The following CFH variants were observed in gnomAD, a reference collection of about 807,000 sequenced individuals.
CFH encodes H factor 1 (complement).
In CFH, 53 loss-of-function variants were observed where a neutral mutation model predicts 147.3. The ratio of observed to expected loss-of-function variants is 0.36; its 90% CI spans 0.29 to 0.45. The LOEUF is 0.45. Ranked by LOEUF, CFH falls within the 20% of genes least tolerant of loss-of-function variation. The pLI, the probability that CFH is intolerant of heterozygous loss-of-function variation, is 1.00. For missense variants in CFH, 1,380 were observed against 1,498.0 expected (o/e 0.92, Z 1.30); for synonymous variants, 536 against 489.4 (o/e 1.10, Z -1.26).
chr1:196,682,568 T>C (rs1285830506), intron 6 of CFH, among the ~76,000 whole-genome samples: 1 of 151,464 alleles, frequency 6.6e-6, no homozygotes, highest in East Asian at 1.9e-4. Flanking sequence ...ACTTCAAAAA[T>C]TGGTATTAAA....
At chr1:196,695,586 C>G (rs1371440526) in intron 9 of CFH, among the ~76,000 whole-genome samples, 1 of 151,016 alleles carries the variant, frequency 6.6e-6, no homozygotes, top group Non-Finnish European at 1.5e-5. Context: ...TATGTATCAA[C>G]TACTTTGGGC....
intron 1 of CFH, among the ~76,000 whole-genome samples, chr1:196,656,855 A>G (rs1666711719): frequency 6.6e-6 from 1 of 152,052 alleles, no homozygotes; most frequent in African/African-American, 2.4e-5. Context: ...ATCTTGTTTT[A>G]TCTCTAATTA....
intron 1 of CFH, among the ~76,000 whole-genome samples, chr1:196,663,407 A>G (rs1271214426): frequency 2.0e-5 from 3 of 152,120 alleles, no homozygotes; most frequent in Admixed American, 6.6e-5. Context: ...TAGAAATTAT[A>G]TTTGGTTCTT....
At position 196,726,757 on chromosome 1, in the gene CFH, A is replaced by T; in HGVS notation, c.2057-4A>T. The stretch of plus-strand genomic sequence containing the variant: ...AATAAACTTTTTTTGTAAAATTTAC[A>T]TAGTGGAGGAGAGTACCTGTGGAGA... On this transcript the variant is annotated splice_polypyrimidine_tract_variant and splice_region_variant and intron_variant, in intron 13 of 21. Coordinates refer to ENST00000367429, the MANE Select transcript of CFH (RefSeq NM_000186.4). 6.2e-7 allele frequency: 1 copy of T among 1,613,790 alleles called. No individual in the cohort carries two copies.
At chr1:196,709,612 G>C (rs532844527) in intron 9 of CFH, among the ~76,000 whole-genome samples, 1 of 152,254 alleles carries the variant, frequency 6.6e-6, no homozygotes, top group Admixed American at 6.5e-5. Context: ...AAAATCAGCA[G>C]TAATCACTAA....
rs1652700618 is a variant in CFH at position 196,739,044 on chromosome 1, G to A, written c.2782+1384G>A. Among the ~76,000 whole-genome samples, 3 of 152,228 alleles carry A rather than the reference G, an allele frequency of 2.0e-5. No individual in the cohort carries two copies. In the South Asian group the frequency reaches 6.2e-4, roughly 31 times the overall value. The stretch of plus-strand genomic sequence containing the variant: ...ACCAAGGCTTGGGGTTTCACCCTTT[G>A]AGGCAATGGACCAAGCTGTTTGTTG... On this transcript the variant is annotated intron_variant, in intron 17 of 21. Coordinates refer to ENST00000367429, the MANE Select transcript of CFH (RefSeq NM_000186.4).
chr1:196,701,361 C>G, intron 9 of CFH: 1 of 1,613,624 alleles, frequency 6.2e-7, no homozygotes. Flanking sequence ...CCCTCTCCAG[C>G]TTGAGTGGAT....
Position 196,726,548 on chromosome 1 carries a change from A to C in CFH, c.1952A>C (p.His651Pro). 6.2e-7 allele frequency: 1 copy of C among 1,612,862 alleles called. No homozygotes were observed. The highest frequency in any genetic ancestry group is 8.5e-7 in the Non-Finnish European group (1 of 1,178,974). ...GAAAAAACGAAAGAAGAATATGGAC[A>C]CAGTGAAGTGGTGGAATATTATTGC... ...VKEKTKEEYGHSEVVEYYCNP... is the reference protein window; with the variant it reads ...VKEKTKEEYGPSEVVEYYCNP... The change falls in exon 13 of 22, where the codon CAC (histidine) becomes CCC (proline). Residue 651 changes from histidine to proline, a missense_variant. Transcript: ENST00000367429.
At chr1:196,710,809 T>C (rs1033060326) in intron 9 of CFH, among the ~76,000 whole-genome samples, 2 of 152,068 alleles carry the variant, frequency 1.3e-5, no homozygotes, top group South Asian at 2.1e-4. Flanking sequence ...ACAGATCCTG[T>C]ATTTTACTAG....
intron 11 of CFH, among the ~76,000 whole-genome samples, chr1:196,717,188 G>A (rs200898739): frequency 6.6e-6 from 1 of 152,082 alleles, no homozygotes; most frequent in African/African-American, 2.4e-5. Context: ...AAGTCATCCT[G>A]TCTGAATTCT....
chr1:196,728,244 A>G, intron 14 of CFH, 102 bp from the exon 15 acceptor site: 1 of 846,878 alleles, frequency 1.2e-6, no homozygotes, highest in Non-Finnish European at 1.7e-6. Context: ...ATTAAGTCAT[A>G]ATTTTACCAT....
intron 15 of CFH, among the ~76,000 whole-genome samples, chr1:196,733,733 G>C (rs1353691568): frequency 1.3e-5 from 2 of 152,072 alleles, no homozygotes; most frequent in African/African-American, 4.8e-5. Flanking sequence ...ACTCAAGTTT[G>C]TGTGGACAAA....
At chr1:196,740,890 A>G in intron 18 of CFH, 98 bp downstream of exon 18, 1 of 1,250,816 alleles carries the variant, frequency 8.0e-7, no homozygotes, top group Non-Finnish European at 1.2e-6. Context: ...CTAGAAATTC[A>G]TAAGGTTTTC....
chr1:196,685,083 T>C lies in CFH; in HGVS notation c.810T>C (p.Pro270=). The part of the protein sequence containing the change: ...PSCEEKSCDN[P]YIPNGDYSPL... Reference sequence around the variant, plus strand: ...TTTCAGAAAAATCATGTGATAATCCTTATATTCCAAATGGTGACTACTCAC... The same window carrying C: ...TTTCAGAAAAATCATGTGATAATCCCTATATTCCAAATGGTGACTACTCAC... Residue 270 remains proline (P), a synonymous_variant, in exon 7 of 22, where the codon CCT becomes CCC. Coordinates refer to ENST00000367429, the MANE Select transcript of CFH (RefSeq NM_000186.4). The C allele has an allele frequency of 6.2e-7, 1 of 1,610,456 alleles. No individual in the cohort carries two copies. Among genetic ancestry groups the C allele is most frequent in the Non-Finnish European group, 8.5e-7 (1 of 1,176,978 alleles).
At chr1:196,656,285 C>T (rs551496442) in intron 1 of CFH, among the ~76,000 whole-genome samples, 3 of 138,892 alleles carry the variant, frequency 2.2e-5, no homozygotes, top group East Asian at 4.2e-4. Context: ...GCTTGGGCGA[C>T]AGAGGGAGAT....
At chr1:196,702,584 A>G (rs1668487158) in intron 9 of CFH, among the ~76,000 whole-genome samples, 1 of 151,886 alleles carries the variant, frequency 6.6e-6, no homozygotes, top group Non-Finnish European at 1.5e-5. Context: ...TATTTGCCAC[A>G]CAGAACCCTA....
rs1174314473 is a variant in CFH at position 196,704,520 on chromosome 1, G to C, written c.1337-9215G>C. ...TCTGCAGGCCATATTATTACAACTG[G>C]AGATCCTTGAAAGTGCCTGCACCCC... On this transcript the variant is annotated intron_variant, in intron 9 of 21. Transcript: ENST00000367429. Among the ~76,000 whole-genome samples, 3 of 152,318 alleles carry C rather than the reference G, an allele frequency of 2.0e-5. No homozygotes were observed. The East Asian group carries it at 5.8e-4, about 29-fold the overall frequency.
intron 9 of CFH, among the ~76,000 whole-genome samples, chr1:196,708,289 T>C (rs1250980507): frequency 6.6e-6 from 1 of 152,208 alleles, no homozygotes; most frequent in Non-Finnish European, 1.5e-5. Flanking sequence ...TCACTGACTT[T>C]CTGGATGTTC....
intron 9 of CFH, chr1:196,692,415 A>G (rs1668059127): frequency 3.7e-6 from 3 of 816,788 alleles, no homozygotes; most frequent in Non-Finnish European, 4.4e-6. Context: ...TAGATATGCA[A>G]TTTCTCCTGA....
Sources: gnomAD v4.1 joint callset for allele counts (sites outside exome capture counted in the v4.1 genomes callset) on GRCh38, gnomAD v4.1.1 for gene constraint, MANE v1.5 for transcripts, NCBI Gene and HGNC (gene_info 2026-07-23, HGNC 2026-07-21) for gene names.